The following OR10J1 variants were observed in gnomAD, a reference collection of about 807,000 sequenced individuals.
The protein encoded by OR10J1 is olfactory receptor family 10 subfamily J member 1, also known as olfactory receptor 10J1.
For missense variants in OR10J1, 474 were observed against 376.6 expected, an observed-to-expected ratio of 1.26 and a Z score of -2.14; for synonymous variants, 202 against 143.8, an observed-to-expected ratio of 1.40 and a Z score of -2.89.
At chr1:159,419,379 A>T in the OR10J1 span, among the ~76,000 whole-genome samples, 20 of 152,274 alleles carry the variant, frequency 1.3e-4, no homozygotes, top group African/African-American at 4.6e-4. Context: ...TTCTTGTGAT[A>T]GTGAATAAGT....
the OR10J1 span, among the ~76,000 whole-genome samples, chr1:159,413,506 A>G: frequency 1.1e-4 from 17 of 152,152 alleles, no homozygotes; most frequent in Admixed American, 5.2e-4. Flanking sequence ...ATACTATGCA[A>G]CCATAAAAAA....
Position 159,440,934 on chromosome 1 carries a change from G to A in OR10J1, c.*213G>A. ...TTTTGGGGATAAATAGACAAACAAGGATAAGATATGCCTAAATAAAAGGCC... is the reference window on the plus strand; with the variant it reads ...TTTTGGGGATAAATAGACAAACAAGAATAAGATATGCCTAAATAAAAGGCC... On this transcript the variant is annotated 3_prime_UTR_variant, in exon 1 of 1. Transcript: ENST00000423932. 2.0e-6 allele frequency: 1 copy of A among 505,686 alleles called. No homozygotes were observed. 31.3% of individuals were successfully genotyped at this position (505,686 alleles called of 1,614,324 possible). A position where few individuals can be genotyped will look rare whatever the true frequency, so the allele number is the denominator to read the frequency against.
At chr1:159,410,542 A>G in the OR10J1 span, among the ~76,000 whole-genome samples, 1 of 151,966 alleles carries the variant, frequency 6.6e-6, no homozygotes, top group Non-Finnish European at 1.5e-5. Flanking sequence ...ATTGGTGGTG[A>G]TATCCCCTTG....
upstream of OR10J1, among the ~76,000 whole-genome samples, chr1:159,438,518 A>T (rs1028104552): frequency 5.9e-5 from 9 of 152,226 alleles, no homozygotes; most frequent in African/African-American, 2.2e-4. Context: ...AGCCTCACAG[A>T]AGACAAATGT....
chr1:159,410,505 T>C, the OR10J1 span, among the ~76,000 whole-genome samples: 1 of 152,200 alleles, frequency 6.6e-6, no homozygotes, highest in East Asian at 1.9e-4. Context: ...TGTAGTATTC[T>C]CTGATGGTAG....
chr1:159,434,971 C>A (rs989494785), upstream of OR10J1, among the ~76,000 whole-genome samples: 4 of 152,122 alleles, frequency 2.6e-5, no homozygotes, highest in Non-Finnish European at 5.9e-5. Context: ...CCTAGGAGGT[C>A]TTGACTTTGT....
the OR10J1 span, among the ~76,000 whole-genome samples, chr1:159,412,950 C>T: frequency 2.0e-5 from 3 of 151,750 alleles, no homozygotes; most frequent in African/African-American, 7.3e-5. Flanking sequence ...TGACAAAGGG[C>T]TAATATCCAG....
At chr1:159,416,008 C>T in the OR10J1 span, among the ~76,000 whole-genome samples, 4 of 151,548 alleles carry the variant, frequency 2.6e-5, no homozygotes, top group South Asian at 2.1e-4. Flanking sequence ...TATAAAAATG[C>T]CATTGATTTT....
the OR10J1 span, among the ~76,000 whole-genome samples, chr1:159,408,477 AG>A: frequency 1.3e-4 from 3 of 22,476 alleles, no homozygotes; most frequent in East Asian, 2.6e-3. Context: ...GGATGGGGGG[AG>A]GGGGGAGGGA....
chr1:159,415,001 T>C, the OR10J1 span, among the ~76,000 whole-genome samples: 1 of 152,120 alleles, frequency 6.6e-6, no homozygotes, highest in East Asian at 1.9e-4. Flanking sequence ...AGTTTGCAAA[T>C]ATATACTCCC....
chr1:159,397,885 G>A, the OR10J1 span, among the ~76,000 whole-genome samples: 2 of 152,134 alleles, frequency 1.3e-5, no homozygotes, highest in Non-Finnish European at 2.9e-5. Context: ...TGATTATAGA[G>A]CCCCAGGGCC....
the OR10J1 span, among the ~76,000 whole-genome samples, chr1:159,402,742 C>T: frequency 0.016 from 2,371 of 152,000 alleles, 65 homozygotes; most frequent in African/African-American, 0.049. Flanking sequence ...ATATTCTCCA[C>T]AGAAATAGAA....
the OR10J1 span, among the ~76,000 whole-genome samples, chr1:159,424,721 T>C: frequency 6.6e-6 from 1 of 151,826 alleles, no homozygotes; most frequent in Non-Finnish European, 1.5e-5. Context: ...AGTTAGGAAA[T>C]AAGAGACAAA....
chr1:159,399,224 G>A, the OR10J1 span, among the ~76,000 whole-genome samples: 1 of 151,916 alleles, frequency 6.6e-6, no homozygotes, highest in Admixed American at 6.6e-5. Flanking sequence ...GTAAAATGAA[G>A]ACTTTTCCAG....
At chr1:159,423,662 C>T in the OR10J1 span, among the ~76,000 whole-genome samples, 4 of 152,120 alleles carry the variant, frequency 2.6e-5, no homozygotes, top group East Asian at 1.9e-4. Flanking sequence ...ACAAACCATG[C>T]GGAGAGACTT....
the OR10J1 span, among the ~76,000 whole-genome samples, chr1:159,409,280 G>C: frequency 2.0e-5 from 3 of 152,024 alleles, no homozygotes; most frequent in Non-Finnish European, 4.4e-5. Context: ...TACCTGCGCT[G>C]CATGAAGCTG....
chr1:159,405,216 A>G, the OR10J1 span, among the ~76,000 whole-genome samples: 57 of 152,146 alleles, frequency 3.7e-4, no homozygotes, highest in Non-Finnish European at 7.4e-4. Flanking sequence ...TCACCTCTGA[A>G]GGTTCCCTAG....
At chr1:159,406,926 A>G in the OR10J1 span, among the ~76,000 whole-genome samples, 1 of 152,130 alleles carries the variant, frequency 6.6e-6, no homozygotes, top group Non-Finnish European at 1.5e-5. Context: ...GCTCCTTTAG[A>G]TGACTAGTGC....
chr1:159,418,854 A>G, the OR10J1 span, among the ~76,000 whole-genome samples: 2 of 152,182 alleles, frequency 1.3e-5, no homozygotes, highest in Non-Finnish European at 2.9e-5. Flanking sequence ...GCTGCCCAAG[A>G]TCATGGGAAC....
Sources: gnomAD v4.1 joint callset for allele counts (sites outside exome capture counted in the v4.1 genomes callset) on GRCh38, gnomAD v4.1.1 for gene constraint, MANE v1.5 for transcripts, NCBI Gene and HGNC (gene_info 2026-07-23, HGNC 2026-07-21) for gene names.